FDFT1: variants seen among roughly 807,000 people sequenced by gnomAD.
FDFT1 encodes farnesyl-diphosphate farnesyltransferase 1.
Under a neutral mutation model 46.8 loss-of-function variants are expected in FDFT1, and 68 were observed. That is an observed-to-expected ratio of 1.45 (90% confidence interval 1.19 to 1.78). The LOEUF is 1.78. FDFT1 is among the 40% of genes most tolerant of loss of function. FDFT1 has a pLI of 0.00. For synonymous variants in FDFT1, 351 were observed against 185.1 expected (o/e 1.90, Z -7.28); for missense variants, 928 against 524.4 (o/e 1.77, Z -7.52).
upstream of FDFT1, chr8:11,802,562 C>T (rs1380235556): frequency 6.6e-6 from 4 of 604,546 alleles, no homozygotes; most frequent in Non-Finnish European, 1.2e-5. Context: ...CGCCAGTCTC[C>T]TTCCGCGACT....
intron 3 of FDFT1, among the ~76,000 whole-genome samples, chr8:11,819,708 C>T (rs181292686): frequency 9.3e-4 from 141 of 152,166 alleles, no homozygotes; most frequent in African/African-American, 1.1e-3. Flanking sequence ...GTCATTTAAG[C>T]TCTTCTCTAC....
At chr8:11,826,971 G>C (rs535183093) in intron 5 of FDFT1, among the ~76,000 whole-genome samples, 1 of 152,366 alleles carries the variant, frequency 6.6e-6, no homozygotes, top group Non-Finnish European at 1.5e-5. Flanking sequence ...AGGGGAAAGG[G>C]ATGGCAGGTA....
At chr8:11,828,259 G>T (rs1810284063) in intron 5 of FDFT1, among the ~76,000 whole-genome samples, 1 of 152,134 alleles carries the variant, frequency 6.6e-6, no homozygotes, top group Non-Finnish European at 1.5e-5. Context: ...CTGCATTCTA[G>T]CAGCCTGGGA....
chr8:11,795,991 T>G (rs1392179349), exon 1 of FDFT1: 1 of 152,212 alleles, frequency 6.6e-6, no homozygotes, highest in Non-Finnish European at 1.5e-5. Flanking sequence ...CCGGACACAC[T>G]TGGACTCGAC....
chr8:11,813,550 A>G (rs886170676), intron 3 of FDFT1, among the ~76,000 whole-genome samples: 4 of 152,210 alleles, frequency 2.6e-5, no homozygotes, highest in African/African-American at 9.6e-5. Context: ...AAGTGACAGA[A>G]TCAATGAATC....
At position 11,808,805 on chromosome 8, in the gene FDFT1, C is replaced by T. The variant is rs1807282485; in HGVS notation, c.111C>T (p.Ser37=). Residue 37 remains serine (S), a synonymous_variant, in exon 2 of 8, where the codon AGC becomes AGT. Transcript: ENST00000220584. Reference sequence around the variant, plus strand: ...TTGTCTGCCCGCAGGACTCGCTCAGCAGCAGCCTGAAAACTTGCTACAAGT... The same window carrying T: ...TTGTCTGCCCGCAGGACTCGCTCAGTAGCAGCCTGAAAACTTGCTACAAGT... ...VMPKMDQDSL[S]SSLKTCYKYL... is the part of the protein sequence containing the mutation. 1 of 1,613,722 alleles carries T rather than the reference C, an allele frequency of 6.2e-7. No individual in the cohort carries two copies. Among genetic ancestry groups the T allele is most frequent in the African/African-American group, 1.3e-5 (1 of 74,956 alleles).
At chr8:11,806,035 T>G (rs1161692758) in intron 1 of FDFT1, among the ~76,000 whole-genome samples, 1 of 152,152 alleles carries the variant, frequency 6.6e-6, no homozygotes, top group African/African-American at 2.4e-5. Context: ...TTTTTTCCCC[T>G]CCTGGAGAAA....
intron 1 of FDFT1, chr8:11,803,511 G>A (rs1806415308): frequency 3.3e-6 from 4 of 1,214,992 alleles, no homozygotes; most frequent in Non-Finnish European, 4.2e-6. Flanking sequence ...CTAGGTGGTT[G>A]GTGGAAGGTC....
intron 3 of FDFT1, among the ~76,000 whole-genome samples, chr8:11,812,311 G>T (rs1278122831): frequency 6.6e-6 from 1 of 152,198 alleles, no homozygotes; most frequent in African/African-American, 2.4e-5. Flanking sequence ...TCTCCTCCAG[G>T]TGGGAACGTG....
chr8:11,835,971 TAA>T (rs755611965), intron 7 of FDFT1, among the ~76,000 whole-genome samples: 49 of 64,612 alleles, frequency 7.6e-4, no homozygotes, highest in East Asian at 3.5e-3. Flanking sequence ...CTGTCTCTAC[TAA>T]AAAAAAAAAA....
At chr8:11,799,940 A>AT (rs775315882), upstream of FDFT1, among the ~76,000 whole-genome samples, 2 of 103,360 alleles carry the variant, frequency 1.9e-5, no homozygotes, top group East Asian at 2.5e-4. Flanking sequence ...GTGAGACTCC[A>AT]TTTAAAAAAA....
At chr8:11,801,381 G>A (rs1306466380), upstream of FDFT1, among the ~76,000 whole-genome samples, 1 of 152,170 alleles carries the variant, frequency 6.6e-6, no homozygotes, top group Non-Finnish European at 1.5e-5. Flanking sequence ...GTGCAATAGC[G>A]CGATCTCAGC....
intron 3 of FDFT1, among the ~76,000 whole-genome samples, chr8:11,815,557 G>A (rs933215789): frequency 3.9e-5 from 6 of 152,070 alleles, no homozygotes; most frequent in African/African-American, 7.2e-5. Flanking sequence ...TTAAATGATC[G>A]CCATTGTAAC....
chr8:11,808,731 C>G (rs895402414), intron 1 of FDFT1, 63 bp from the exon 2 acceptor site: 4 of 1,575,504 alleles, frequency 2.5e-6, no homozygotes, highest in Non-Finnish European at 3.4e-6. Context: ...CTCCCACTCC[C>G]ACTCCCACTC....
chr8:11,803,477 AGTTATCTAAC>A (rs1806410618), intron 1 of FDFT1: 2 of 1,263,670 alleles, frequency 1.6e-6, no homozygotes, highest in Non-Finnish European at 2.0e-6. Context: ...AGTTCCAATG[AGTTATCTAAC>A]GTCTATGGAT....
At chr8:11,823,520 C>T (rs527551247) in intron 4 of FDFT1, among the ~76,000 whole-genome samples, 26 of 152,156 alleles carry the variant, frequency 1.7e-4, no homozygotes, top group Non-Finnish European at 3.8e-4. Context: ...GCTTTCTCTT[C>T]ACCTGTGCAT....
chr8:11,818,570 G>T (rs1394724924), intron 3 of FDFT1, among the ~76,000 whole-genome samples: 1 of 152,198 alleles, frequency 6.6e-6, no homozygotes, highest in Admixed American at 6.5e-5. Flanking sequence ...ATATGTTTAA[G>T]ATAGTTAGCT....
At chr8:11,826,980 T>C (rs187600329) in intron 5 of FDFT1, among the ~76,000 whole-genome samples, 1 of 152,194 alleles carries the variant, frequency 6.6e-6, no homozygotes, top group Non-Finnish European at 1.5e-5. Context: ...GGATGGCAGG[T>C]AGACAAAAAC....
intron 4 of FDFT1, among the ~76,000 whole-genome samples, chr8:11,825,353 C>T (rs1809814620): frequency 6.6e-6 from 1 of 151,836 alleles, no homozygotes. Flanking sequence ...ACCAGCGTGG[C>T]CAACATGGTG....
Sources: gnomAD v4.1 joint callset for allele counts (sites outside exome capture counted in the v4.1 genomes callset) on GRCh38, gnomAD v4.1.1 for gene constraint, MANE v1.5 for transcripts, NCBI Gene and HGNC (gene_info 2026-07-23, HGNC 2026-07-21) for gene names.